Variants in ZBTB40 observed in about 807,000 individuals in gnomAD.
ZBTB40 encodes zinc finger and BTB domain-containing protein 40.
ZBTB40 carries 60 observed loss-of-function variants against 117.5 expected under a neutral mutation model. The observed-to-expected ratio is 0.51, with a 90% confidence interval of 0.41 to 0.63. ZBTB40 has a LOEUF of 0.63. Ranked by LOEUF, ZBTB40 falls within the 30% of genes least tolerant of loss-of-function variation. The pLI, the probability that ZBTB40 is intolerant of heterozygous loss-of-function variation, is 0.00. For missense variants in ZBTB40, 1,287 were observed against 1,498.5 expected (o/e 0.86, Z 2.33); for synonymous variants, 525 against 577.1 (o/e 0.91, Z 1.29).
chr1:22,517,249 A>G, intron 12 of ZBTB40, 51 bp from the exon 13 acceptor site: 1 of 1,609,890 alleles, frequency 6.2e-7, no homozygotes. Flanking sequence ...TGTTTGTAGC[A>G]ATGCCATAAA....
At chr1:22,526,087 C>A in intron 17 of ZBTB40, 115 bp from the exon 18 acceptor site, 1 of 1,254,652 alleles carries the variant, frequency 8.0e-7, no homozygotes, top group Non-Finnish European at 1.1e-6. Flanking sequence ...CATGTAAGTG[C>A]TCTCCTCAGG....
chr1:22,505,434 CTGGA>C, intron 5 of ZBTB40, among the ~76,000 whole-genome samples: 1 of 152,252 alleles, frequency 6.6e-6, no homozygotes, highest in East Asian at 1.9e-4. Flanking sequence ...TGAATTATGA[CTGGA>C]GCTGATGTAT....
Position 22,490,120 on chromosome 1 carries a change from A to G in ZBTB40, c.172A>G (p.Thr58Ala). The G allele has an allele frequency of 1.2e-6, 2 of 1,614,160 alleles. No homozygotes were observed. The highest frequency in any genetic ancestry group is 1.7e-6 in the Non-Finnish European group (2 of 1,180,030). Residue 58 changes from threonine to alanine, a missense_variant, in exon 2 of 18, where the codon ACC becomes GCC. Physicochemically the swap from Thr to Ala is moderately conservative, Grantham distance 58. This residue lies in a region of ZBTB40 where 870 missense variants were observed against 934.4 expected (regional missense o/e 0.93). Coordinates refer to ENST00000375647, the MANE Select transcript of ZBTB40 (RefSeq NM_014870.4). Reference protein sequence around the residue: ...LFKTLLDNTDTISIDASVVSP... With the variant: ...LFKTLLDNTDAISIDASVVSP... ...CAAAACCCTGCTGGATAACACAGAT[A>G]CCATCTCCATCGATGCATCTGTGGT...
At chr1:22,519,725 A>G in intron 13 of ZBTB40, 1 of 367,658 alleles carries the variant, frequency 2.7e-6, no homozygotes, top group Non-Finnish European at 5.2e-6. Flanking sequence ...TGCCCACTGC[A>G]AACCGGACGA....
chr1:22,456,791 T>C (rs990575032), intron 1 of ZBTB40, among the ~76,000 whole-genome samples: 2 of 152,216 alleles, frequency 1.3e-5, no homozygotes, highest in African/African-American at 4.8e-5. Flanking sequence ...CAGATGGTTG[T>C]TGTTAATTTA....
chr1:22,516,065 T>C (rs982380915), intron 12 of ZBTB40, among the ~76,000 whole-genome samples: 9 of 152,048 alleles, frequency 5.9e-5, no homozygotes, highest in Admixed American at 5.2e-4. Context: ...GTGGATTAGA[T>C]GTGGGATGTG....
chr1:22,463,791 C>G (rs1379639395), intron 1 of ZBTB40, among the ~76,000 whole-genome samples: 1 of 152,188 alleles, frequency 6.6e-6, no homozygotes, highest in African/African-American at 2.4e-5. Flanking sequence ...AGGACATAAG[C>G]AGTTTGTTAC....
chr1:22,512,802 G>A, intron 11 of ZBTB40, 122 bp from the exon 12 acceptor site: 1 of 1,149,982 alleles, frequency 8.7e-7, no homozygotes. Context: ...TGGCACCCTG[G>A]GCTTCATGCT....
At chr1:22,462,376 C>T (rs1002823139) in intron 1 of ZBTB40, among the ~76,000 whole-genome samples, 7 of 152,188 alleles carry the variant, frequency 4.6e-5, no homozygotes, top group Non-Finnish European at 7.3e-5. Flanking sequence ...ATAATAGTAA[C>T]TATCTCACTG....
In ZBTB40 at chr1:22,521,621, C is replaced by A; in HGVS notation, c.3174C>A (p.Thr1058=). ...CCTGTGACAAAACCTTCCCCAACAC[C>A]ATTGAGCACAAGAAGCACATCAAAG... ...CSSCDKTFPN[T]IEHKKHIKAE... is the part of the protein sequence containing the mutation. Residue 1058 remains threonine, a synonymous_variant, in exon 15 of 18, where the codon ACC becomes ACA. Coordinates refer to ENST00000375647, the MANE Select transcript of ZBTB40 (RefSeq NM_014870.4). The A allele has an allele frequency of 6.2e-7, 1 of 1,614,220 alleles. No individual in the cohort carries two copies. Among genetic ancestry groups the A allele is most frequent in the East Asian group, 2.2e-5 (1 of 44,888 alleles).
chr1:22,509,046 A>T, intron 8 of ZBTB40, 54 bp from the exon 9 acceptor site: 1 of 1,613,500 alleles, frequency 6.2e-7, no homozygotes, highest in African/African-American at 1.3e-5. Flanking sequence ...AGGGTGTAGG[A>T]AAAAATGGTG....
At chr1:22,486,503 G>A (rs1363550962) in intron 1 of ZBTB40, among the ~76,000 whole-genome samples, 1 of 152,194 alleles carries the variant, frequency 6.6e-6, no homozygotes, top group East Asian at 1.9e-4. Flanking sequence ...GCTGCTGGAA[G>A]CAAGAGGGGA....
In ZBTB40 at chr1:22,491,551, T is replaced by C. The variant is rs1473040870; in HGVS notation, c.831+18T>C. 6.2e-7 allele frequency: 1 copy of C among 1,613,586 alleles called. No individual in the cohort carries two copies. The highest frequency in any genetic ancestry group is 1.3e-5 in the African/African-American group (1 of 75,010). On this transcript the variant is annotated intron_variant, in intron 3 of 17. Coordinates refer to ENST00000375647, the MANE Select transcript of ZBTB40 (RefSeq NM_014870.4). ...AGAAGGAGGTAGGCACCTCTGACTT[T>C]TGTACTTGTTTGCTAGTTTAGTGTT...
At chr1:22,499,499 A>G (rs549679459) in intron 3 of ZBTB40, among the ~76,000 whole-genome samples, 1 of 152,348 alleles carries the variant, frequency 6.6e-6, no homozygotes, top group Non-Finnish European at 1.5e-5. Context: ...ATTTCAAGTC[A>G]ACTAACAAAA....
At chr1:22,516,322 C>T (rs1386464505) in intron 12 of ZBTB40, among the ~76,000 whole-genome samples, 1 of 152,112 alleles carries the variant, frequency 6.6e-6, no homozygotes, top group African/African-American at 2.4e-5. Context: ...CTATTTGATG[C>T]ATTGGGAGAT....
chr1:22,511,536 G>T, intron 10 of ZBTB40, 140 bp from the exon 11 acceptor site: 1 of 1,234,442 alleles, frequency 8.1e-7, no homozygotes, highest in Non-Finnish European at 1.1e-6. Context: ...TGGAAAGTAA[G>T]GAGGACAATG....
At chr1:22,485,110 T>G (rs528905076) in intron 1 of ZBTB40, among the ~76,000 whole-genome samples, 1 of 152,368 alleles carries the variant, frequency 6.6e-6, no homozygotes, top group South Asian at 2.1e-4. Context: ...GGTTTTCTTT[T>G]CTTGTAATGT....
intron 12 of ZBTB40, among the ~76,000 whole-genome samples, chr1:22,514,164 G>A (rs1639316518): frequency 6.6e-6 from 1 of 152,198 alleles, no homozygotes; most frequent in South Asian, 2.1e-4. Context: ...GAGGGGAGGA[G>A]GAGGTACATT....
chr1:22,502,603 C>T (rs548342828), intron 5 of ZBTB40, among the ~76,000 whole-genome samples, 162 bp downstream of exon 5: 4 of 152,130 alleles, frequency 2.6e-5, no homozygotes, highest in East Asian at 1.9e-4. Flanking sequence ...TTGCATTCCT[C>T]GCGGTAGCTT....
Sources: gnomAD v4.1 joint callset for allele counts (sites outside exome capture counted in the v4.1 genomes callset) on GRCh38, gnomAD v4.1.1 for gene constraint, gnomAD v4.1.1 regional missense constraint, MANE v1.5 for transcripts, NCBI Gene and HGNC (gene_info 2026-07-23, HGNC 2026-07-21) for gene names.